Variants in FREM1 observed in about 807,000 individuals in gnomAD.
FREM1 encodes the protein FRAS1-related extracellular matrix protein 1.
FREM1 carries 220 observed loss-of-function variants against 210.1 expected under a neutral mutation model. That is an observed-to-expected ratio of 1.05 (90% CI 0.94 to 1.17). FREM1 has a LOEUF of 1.17. Among genes scored for constraint, FREM1 ranks in the 50% most tolerant of loss-of-function variants. The probability of loss-of-function intolerance (pLI) is 0.00; values close to 1 mark genes in which losing one functional copy is unlikely to be tolerated. For synonymous variants in FREM1, 1,189 were observed against 980.2 expected, an observed-to-expected ratio of 1.21 and a Z score of -3.98; for missense variants, 3,454 against 2,675.5, an observed-to-expected ratio of 1.29 and a Z score of -6.42.
chr9:14,888,901 AAC>A (rs1366239403), intron 1 of FREM1, among the ~76,000 whole-genome samples: 1 of 152,204 alleles, frequency 6.6e-6, no homozygotes, highest in African/African-American at 2.4e-5. Context: ...AAAGGACAAA[AAC>A]ACAGAAACAT....
chr9:14,898,538 T>A (rs1413514231), intron 1 of FREM1, among the ~76,000 whole-genome samples: 1 of 152,114 alleles, frequency 6.6e-6, no homozygotes, highest in African/African-American at 2.4e-5. Flanking sequence ...GGTCAGGAGT[T>A]CGAGACCAGC....
rs761908383 is a variant in FREM1, at chr9:14,823,302, G to A, written c.2195C>T (p.Ala732Val). The change falls in exon 13 of 37, where the codon GCC becomes GTC. Residue 732 changes from alanine to valine, a missense_variant. By Grantham distance (64) the Ala-to-Val change is moderately conservative (BLOSUM62 0). Transcript: ENST00000380880. The stretch of plus-strand genomic sequence containing the variant: ...AATGTCTTGCATGGGGGGCATGTAG[G>A]CCACTTTCATATAGTTCACAGCATG... ...TQHAVNYMKV[A>V]YMPPMQDIGP... 3 of 1,613,830 alleles carry A rather than the reference G, an allele frequency of 1.9e-6. No homozygotes were observed. The highest frequency in any genetic ancestry group is 1.1e-5 in the South Asian group (1 of 91,056).
chr9:14,887,911 T>C (rs1350966163), intron 1 of FREM1, among the ~76,000 whole-genome samples: 1 of 152,136 alleles, frequency 6.6e-6, no homozygotes, highest in Non-Finnish European at 1.5e-5. Flanking sequence ...GATCCTCCTG[T>C]CTCAGCCTCC....
chr9:14,876,010 G>A (rs1354622026), intron 1 of FREM1, among the ~76,000 whole-genome samples: 1 of 152,200 alleles, frequency 6.6e-6, no homozygotes, highest in Non-Finnish European at 1.5e-5. Context: ...AACCGCAAAT[G>A]CTGCTGTCTG....
intron 25 of FREM1, chr9:14,774,110 C>A (rs539682996): frequency 2.9e-5 from 15 of 518,992 alleles, no homozygotes; most frequent in East Asian, 2.7e-4. Flanking sequence ...AGTGCATTAT[C>A]ATTTCTTTGC....
At chr9:14,826,644 A>C (rs1450214959) in intron 10 of FREM1, among the ~76,000 whole-genome samples, 1 of 152,174 alleles carries the variant, frequency 6.6e-6, no homozygotes, top group Non-Finnish European at 1.5e-5. Flanking sequence ...TTTAAGTTGA[A>C]ACTTAATTTC....
At chr9:14,771,396 A>G (rs1847550248) in intron 25 of FREM1, among the ~76,000 whole-genome samples, 1 of 152,172 alleles carries the variant, frequency 6.6e-6, no homozygotes, top group Non-Finnish European at 1.5e-5. Context: ...ATTTCTAGAC[A>G]TTTGCATATT....
At chr9:14,851,655 G>T in intron 5 of FREM1, 48 bp from the exon 6 acceptor site, 1 of 1,343,434 alleles carries the variant, frequency 7.4e-7, no homozygotes, top group East Asian at 2.3e-5. Context: ...TATGAATGAG[G>T]TGATATCATA....
chr9:14,816,956 T>C (rs1207364436), intron 14 of FREM1, 85 bp from the exon 15 acceptor site: 2 of 435,484 alleles, frequency 4.6e-6, no homozygotes, highest in African/African-American at 2.0e-5. Context: ...CTTCCAAGGC[T>C]TTGGCCATGT....
rs570274003 is a variant in FREM1 at position 14,788,254 on chromosome 9, T to C, written c.4177+665A>G. ...ATTACAGGGTAGTAACAGTTGGGTA[T>C]CAAGAGCTTCTACTCTTCCTTGCTG... On this transcript the variant is annotated intron_variant, in intron 23 of 36. Coordinates refer to ENST00000380880, the MANE Select transcript of FREM1 (RefSeq NM_001379081.2). Among the ~76,000 whole-genome samples the C allele has an allele frequency of 1.1e-4, 17 of 152,260 alleles. No individual in the cohort carries two copies. The South Asian group carries it at 2.9e-3, about 26-fold the overall frequency.
rs376845848 is a variant in FREM1 at position 14,863,804 on chromosome 9, C to T, written c.329+5G>A. On this transcript the variant is annotated splice_donor_5th_base_variant and intron_variant, in intron 3 of 36. Coordinates refer to ENST00000380880, the MANE Select transcript of FREM1 (RefSeq NM_001379081.2). ...GCAAATGAGCGATGTTCCCGTGCCG[C>T]TTACCTGTAAAGTCTGAGCTTCACT... is the stretch of plus-strand genomic sequence containing the variant. 7 of 1,589,684 alleles carry T rather than the reference C, an allele frequency of 4.4e-6. No homozygotes were observed. The highest frequency in any genetic ancestry group is 6.0e-6 in the Non-Finnish European group (7 of 1,158,162).
chr9:14,775,858 T>C lies in FREM1; in HGVS notation c.4788A>G (p.Thr1596=), dbSNP rs1848464449. ...SQTDCFTFMA[T]DGTNQGFIVN... is the part of the protein sequence containing the mutation. ...CAATAAAGCCTTGGTTTGTCCCATC[T>C]GTGGCCATGAAAGTAAAGCAGTCAG... The change falls in exon 25 of 37, where the codon ACA becomes ACG. Residue 1596 remains threonine, a synonymous_variant. Transcript: ENST00000380880. The C allele has an allele frequency of 1.9e-6, 3 of 1,613,882 alleles. No individual in the cohort carries two copies. The African/African-American group carries it at 4.0e-5, about 22-fold the overall frequency.
rs17174167 is a variant in FREM1 at position 14,803,968 on chromosome 9, A to T, written c.3471+988T>A. ...TCCTTCTTCATAGAGCTTGACTAAA[A>T]CGTGTGGTTGTTTCTTGCAGATTGA... On this transcript the variant is annotated intron_variant, in intron 19 of 36. Coordinates refer to ENST00000380880, the MANE Select transcript of FREM1 (RefSeq NM_001379081.2). Among the ~76,000 whole-genome samples the T allele has an allele frequency of 6.7e-3, 1,024 of 152,256 alleles. 14 individuals carry two copies. The highest frequency in any genetic ancestry group is 0.023 in the African/African-American group (963 of 41,542).
intron 13 of FREM1, among the ~76,000 whole-genome samples, chr9:14,821,308 C>G (rs1034383620): frequency 6.6e-6 from 1 of 152,002 alleles, no homozygotes; most frequent in Non-Finnish European, 1.5e-5. Flanking sequence ...AAAAGAGAAG[C>G]TACCCTGCCA....
chr9:14,858,938 T>A (rs1471766707), intron 4 of FREM1, among the ~76,000 whole-genome samples: 2 of 152,186 alleles, frequency 1.3e-5, no homozygotes, highest in Non-Finnish European at 2.9e-5. Context: ...CTATTTTCCT[T>A]TCTCATTTTA....
At chr9:14,785,096 AGAAAC>A (rs1318234988) in intron 23 of FREM1, among the ~76,000 whole-genome samples, 1 of 152,232 alleles carries the variant, frequency 6.6e-6, no homozygotes, top group Non-Finnish European at 1.5e-5. Flanking sequence ...TGTACTTGAA[AGAAAC>A]ACTTGCCCTG....
At chr9:14,873,799 G>C (rs1833178010) in intron 1 of FREM1, among the ~76,000 whole-genome samples, 2 of 151,906 alleles carry the variant, frequency 1.3e-5, no homozygotes, top group Non-Finnish European at 2.9e-5. Flanking sequence ...TCTCTTGTGG[G>C]CATTTAGTGC....
At chr9:14,739,957 TA>T (rs1841228354) in intron 36 of FREM1, among the ~76,000 whole-genome samples, 191 bp downstream of exon 36, 1 of 152,138 alleles carries the variant, frequency 6.6e-6, no homozygotes, top group Admixed American at 6.6e-5. Context: ...GATAGATGTC[TA>T]AAAATGAAAG....
chr9:14,856,603 G>T (rs1030899508), intron 5 of FREM1, among the ~76,000 whole-genome samples: 1 of 152,014 alleles, frequency 6.6e-6, no homozygotes, highest in African/African-American at 2.4e-5. Flanking sequence ...GGAGGGTGAG[G>T]CAGGTGGATC....
Sources: allele counts gnomAD v4.1 joint callset (sites outside exome capture counted in the v4.1 genomes callset), GRCh38; gene constraint gnomAD v4.1.1; transcripts MANE v1.5; gene names NCBI Gene and HGNC (gene_info 2026-07-23, HGNC 2026-07-21).